DNAJB14: variants seen among roughly 807,000 people sequenced by gnomAD.
The protein encoded by DNAJB14 is DnaJ heat shock protein family (Hsp40) member B14.
Under a neutral mutation model 48.4 loss-of-function variants are expected in DNAJB14, and 22 were observed. The observed-to-expected ratio is 0.45, with a 90% CI of 0.32 to 0.65. The LOEUF (loss-of-function observed/expected upper bound fraction) is 0.65. Among genes scored for constraint, DNAJB14 ranks in the 30% least tolerant of loss-of-function variants. The pLI is 0.03. For synonymous variants in DNAJB14, 142 were observed against 158.7 expected (o/e 0.89, Z 0.79); for missense variants, 319 against 458.8 (o/e 0.70, Z 2.78).
intron 3 of DNAJB14, among the ~76,000 whole-genome samples, chr4:99,920,546 A>T (rs987747549): frequency 6.6e-6 from 1 of 152,222 alleles, no homozygotes; most frequent in Admixed American, 6.5e-5. Context: ...TTTTAAAGAC[A>T]TCTACATCAG....
intron 1 of DNAJB14, among the ~76,000 whole-genome samples, chr4:99,943,604 G>A (rs1018495558): frequency 6.6e-6 from 1 of 152,090 alleles, no homozygotes; most frequent in African/African-American, 2.4e-5. Flanking sequence ...TCAGTACATT[G>A]TCTCCATTTT....
At chr4:99,901,296 AT>A in intron 7 of DNAJB14, 144 bp from the exon 8 acceptor site, 1 of 742,586 alleles carries the variant, frequency 1.3e-6, no homozygotes, top group Non-Finnish European at 2.0e-6. Context: ...CCTAAAAGCC[AT>A]TTTAGTAGGA....
chr4:99,936,609 C>A (rs1726685253), intron 1 of DNAJB14, among the ~76,000 whole-genome samples: 1 of 152,142 alleles, frequency 6.6e-6, no homozygotes, highest in South Asian at 2.1e-4. Context: ...GGAGTCAGGA[C>A]TTCTTGGAGA....
chr4:99,946,315 C>T, intron 1 of DNAJB14, 124 bp downstream of exon 1: 1 of 1,444,680 alleles, frequency 6.9e-7, no homozygotes, highest in South Asian at 1.2e-5. Context: ...GGGCCTGGGG[C>T]TGGGGCTGGC....
intron 1 of DNAJB14, among the ~76,000 whole-genome samples, chr4:99,943,532 T>C (rs1230065923): frequency 6.6e-6 from 1 of 152,194 alleles, no homozygotes; most frequent in South Asian, 2.1e-4. Context: ...ATTAATTGAG[T>C]GCTTACTGTT....
At position 99,898,537 on chromosome 4, in the gene DNAJB14, C is replaced by T. The variant is rs1725197294; in HGVS notation, c.*2491G>A. ...AGAAAGGTACTATTTTTCATTTCCC[C>T]CAAACCCTCACAAGGACAATAATGT... On this transcript the variant is annotated 3_prime_UTR_variant, in exon 8 of 8. Transcript: ENST00000442697. 6.6e-6 allele frequency: 1 copy of T among 151,816 alleles called. No homozygotes were observed. 9.4% of individuals were successfully genotyped at this position (151,816 alleles called of 1,614,324 possible). A position where few individuals can be genotyped will look rare whatever the true frequency, so the allele number is the denominator to read the frequency against.
chr4:99,908,931 G>C, intron 3 of DNAJB14, 35 bp from the exon 4 acceptor site: 1 of 1,425,138 alleles, frequency 7.0e-7, no homozygotes, highest in Non-Finnish European at 9.3e-7. Flanking sequence ...GGTAAGCAAA[G>C]TTTTTATATT....
chr4:99,912,353 A>C (rs184151594), intron 3 of DNAJB14, among the ~76,000 whole-genome samples: 55 of 152,372 alleles, frequency 3.6e-4, no homozygotes, highest in Non-Finnish European at 6.9e-4. Flanking sequence ...AAATGTTTTT[A>C]AATATTCAGG....
At chr4:99,909,881 A>G (rs1725600008) in intron 3 of DNAJB14, among the ~76,000 whole-genome samples, 1 of 152,066 alleles carries the variant, frequency 6.6e-6, no homozygotes, top group African/African-American at 2.4e-5. Flanking sequence ...ACAAGTTGTA[A>G]TGCTTTGAAT....
At chr4:99,924,708 G>C (rs1726184029) in intron 2 of DNAJB14, 1 of 1,604,920 alleles carries the variant, frequency 6.2e-7, no homozygotes, top group Admixed American at 1.7e-5. Flanking sequence ...GAAATGTTTA[G>C]AAGCTATGTG....
At chr4:99,940,329 A>C (rs918679579) in intron 1 of DNAJB14, among the ~76,000 whole-genome samples, 2 of 152,216 alleles carry the variant, frequency 1.3e-5, no homozygotes, top group African/African-American at 2.4e-5. Context: ...GTGGTGGCTC[A>C]TGCTTGTAAT....
intron 1 of DNAJB14, among the ~76,000 whole-genome samples, chr4:99,937,141 CCT>C (rs2110221639): frequency 6.6e-6 from 1 of 152,058 alleles, no homozygotes; most frequent in South Asian, 2.1e-4. Flanking sequence ...ACAGTGAAAC[CCT>C]GTTTCTACTA....
rs59597113 is a variant in DNAJB14 at position 99,938,097 on chromosome 4, C to CAAA, written c.134-7479_134-7477dup. ...ACATGGCGAAACCATGTTAAAAATA[C>CAAA]AAAAAAAAAAAAAAAAAAAAAAAAA... On this transcript the variant is annotated intron_variant, in intron 1 of 7. Coordinates refer to ENST00000442697, the MANE Select transcript of DNAJB14 (RefSeq NM_001031723.4). Among the ~76,000 whole-genome samples, 21 of 40,978 alleles carry CAAA rather than the reference C, an allele frequency of 5.1e-4. 1 individual carries two copies. The highest frequency in any genetic ancestry group is 8.6e-4 in the Admixed American group (2 of 2,318). 26.9% of individuals were successfully genotyped at this position (40,978 alleles called of 152,430 possible).
At chr4:99,946,174 G>A (rs866443584) in intron 1 of DNAJB14, among the ~76,000 whole-genome samples, 8 of 152,222 alleles carry the variant, frequency 5.3e-5, no homozygotes, top group South Asian at 2.1e-4. Context: ...ATGAAACCCG[G>A]ACATTTAGGA....
chr4:99,939,133 G>A (rs1311603666), intron 1 of DNAJB14, among the ~76,000 whole-genome samples: 1 of 152,170 alleles, frequency 6.6e-6, no homozygotes, highest in African/African-American at 2.4e-5. Context: ...AGGTTGAGGT[G>A]GGTAGATCAC....
intron 1 of DNAJB14, among the ~76,000 whole-genome samples, chr4:99,935,674 T>C (rs1325510203): frequency 6.6e-6 from 1 of 150,478 alleles, no homozygotes; most frequent in Admixed American, 6.6e-5. Context: ...CCTCTTCTAA[T>C]AGAAAAATTA....
intron 7 of DNAJB14, 68 bp downstream of exon 7, chr4:99,903,658 A>G (rs1169956461): frequency 6.1e-6 from 9 of 1,480,598 alleles, no homozygotes; most frequent in East Asian, 2.3e-5. Context: ...TTGAATAGGG[A>G]AATCTACATT....
chr4:99,903,630 G>A (rs1341322968), intron 7 of DNAJB14, 96 bp downstream of exon 7: 4 of 1,312,052 alleles, frequency 3.0e-6, no homozygotes, highest in Non-Finnish European at 4.2e-6. Context: ...TATGTGCCAG[G>A]GAATTCCAGA....
intron 2 of DNAJB14, among the ~76,000 whole-genome samples, chr4:99,924,150 A>C (rs1394232022): frequency 6.6e-6 from 1 of 152,220 alleles, no homozygotes; most frequent in African/African-American, 2.4e-5. Flanking sequence ...CATTTTCAAA[A>C]TTTTTGGAGA....
Sources: allele counts gnomAD v4.1 joint callset (sites outside exome capture counted in the v4.1 genomes callset), GRCh38; gene constraint gnomAD v4.1.1; transcripts MANE v1.5; gene names NCBI Gene and HGNC (gene_info 2026-07-23, HGNC 2026-07-21).